The following PDE4B variants were observed in gnomAD, a reference collection of about 807,000 sequenced individuals.
PDE4B encodes the protein phosphodiesterase 4B, also known as 3',5'-cyclic-AMP phosphodiesterase 4B.
In PDE4B, 20 loss-of-function variants were observed where a neutral mutation model predicts 82.2. The observed-to-expected ratio is 0.24, with a 90% CI of 0.17 to 0.35. The LOEUF is 0.35. Among genes scored for constraint, PDE4B ranks in the 10% least tolerant of loss-of-function variants. The pLI is 1.00. For synonymous variants in PDE4B, 320 were observed against 318.9 expected (o/e 1.00, Z -0.04); for missense variants, 655 against 907.2 (o/e 0.72, Z 3.57).
chr1:65,938,322 AT>A (rs1557445165), intron 3 of PDE4B, among the ~76,000 whole-genome samples: 2 of 152,204 alleles, frequency 1.3e-5, no homozygotes, highest in Non-Finnish European at 2.9e-5. Flanking sequence ...CTTAGGTAGA[AT>A]CTGAGCCCTT....
intron 6 of PDE4B, among the ~76,000 whole-genome samples, chr1:66,261,514 A>G (rs1291826514): frequency 6.6e-6 from 1 of 152,132 alleles, no homozygotes; most frequent in African/African-American, 2.4e-5. Flanking sequence ...TTTAAGCAAT[A>G]ATTGTGTCCT....
chr1:65,862,573 T>C lies in PDE4B; in HGVS notation c.-70-50672T>C, dbSNP rs1002076387. 1.1e-4 allele frequency among the ~76,000 whole-genome samples: 17 copies of C among 152,224 alleles called. 1 individual carries two copies. Among genetic ancestry groups the C allele is most frequent in the African/African-American group, 3.9e-4 (16 of 41,458 alleles). On this transcript the variant is annotated intron_variant, in intron 1 of 16. Transcript: ENST00000341517. Reference sequence around the variant, plus strand: ...GTGATGCTGGCCTCATAAAATGAGTTAGGGAGGAGTCCCTCTTTTTTTGTT... The same window carrying C: ...GTGATGCTGGCCTCATAAAATGAGTCAGGGAGGAGTCCCTCTTTTTTTGTT...
At chr1:65,979,193 T>A (rs1298107886) in intron 3 of PDE4B, among the ~76,000 whole-genome samples, 1 of 152,210 alleles carries the variant, frequency 6.6e-6, no homozygotes, top group Non-Finnish European at 1.5e-5. Flanking sequence ...GGATATATAA[T>A]GTCAGTTAGG....
intron 6 of PDE4B, among the ~76,000 whole-genome samples, chr1:66,258,496 A>G (rs1654431210): frequency 6.6e-6 from 1 of 152,216 alleles, no homozygotes; most frequent in Admixed American, 6.5e-5. Context: ...GCTAAGTTCT[A>G]TTCGGTTCAC....
intron 3 of PDE4B, among the ~76,000 whole-genome samples, chr1:66,092,904 G>A (rs1331682436): frequency 1.3e-5 from 2 of 152,006 alleles, no homozygotes; most frequent in African/African-American, 4.8e-5. Flanking sequence ...AGATTTCAGA[G>A]GGTTTCAAAA....
intron 3 of PDE4B, among the ~76,000 whole-genome samples, chr1:66,199,072 C>T (rs1385021407): frequency 7.3e-5 from 11 of 151,676 alleles, no homozygotes; most frequent in Admixed American, 2.0e-4. Context: ...AATAAACATA[C>T]GTGTGCATGT....
At chr1:66,135,526 A>G (rs1646038636) in intron 3 of PDE4B, among the ~76,000 whole-genome samples, 1 of 152,200 alleles carries the variant, frequency 6.6e-6, no homozygotes, top group Non-Finnish European at 1.5e-5. Context: ...TAATGATTGA[A>G]ATATGGAAAT....
intron 3 of PDE4B, among the ~76,000 whole-genome samples, chr1:65,970,599 C>T (rs1191794871): frequency 6.6e-6 from 1 of 151,956 alleles, no homozygotes; most frequent in Non-Finnish European, 1.5e-5. Context: ...ATAGATATGC[C>T]AATATACAAT....
chr1:66,105,333 G>T (rs1645325289), intron 3 of PDE4B, among the ~76,000 whole-genome samples: 1 of 151,640 alleles, frequency 6.6e-6, no homozygotes. Context: ...TGCTATTTTG[G>T]TTACTGTAGC....
intron 1 of PDE4B, among the ~76,000 whole-genome samples, chr1:65,797,471 T>A (rs928169653): frequency 2.6e-5 from 4 of 152,190 alleles, no homozygotes; most frequent in Non-Finnish European, 4.4e-5. Flanking sequence ...CCTGGCCTAC[T>A]TTTGTGGGCA....
At chr1:66,057,055 T>A (rs1208718123) in intron 3 of PDE4B, among the ~76,000 whole-genome samples, 2 of 152,234 alleles carry the variant, frequency 1.3e-5, no homozygotes, top group Non-Finnish European at 2.9e-5. Context: ...GTATGTATAT[T>A]CATCTCTAGC....
At chr1:65,837,934 A>G (rs963543334) in intron 1 of PDE4B, among the ~76,000 whole-genome samples, 1 of 151,960 alleles carries the variant, frequency 6.6e-6, no homozygotes, top group Non-Finnish European at 1.5e-5. Context: ...GTTCCCCTCT[A>G]TGTGTCCCTG....
chr1:65,960,366 T>C (rs577505258), intron 3 of PDE4B, among the ~76,000 whole-genome samples: 2 of 152,290 alleles, frequency 1.3e-5, no homozygotes, highest in Middle Eastern at 6.8e-3. Context: ...GCATTCTATA[T>C]TAACTTTTGA....
chr1:66,324,735 G>A (rs914916958), intron 7 of PDE4B, among the ~76,000 whole-genome samples: 12 of 152,226 alleles, frequency 7.9e-5, no homozygotes, highest in Middle Eastern at 3.4e-3. Context: ...ATAAAGACAT[G>A]CTAACAAAGT....
At chr1:66,069,792 A>G (rs1035293596) in intron 3 of PDE4B, among the ~76,000 whole-genome samples, 1 of 151,764 alleles carries the variant, frequency 6.6e-6, no homozygotes, top group Admixed American at 6.6e-5. Context: ...GGAAATGAAA[A>G]CTCTGTAAAT....
chr1:66,354,728 G>A (rs1362262366), intron 8 of PDE4B: 2 of 1,449,130 alleles, frequency 1.4e-6, no homozygotes, highest in Admixed American at 5.2e-5. Flanking sequence ...TCTTTTCTAA[G>A]TTTTGATTAT....
At chr1:66,187,564 G>C (rs959036577) in intron 3 of PDE4B, among the ~76,000 whole-genome samples, 3 of 152,222 alleles carry the variant, frequency 2.0e-5, no homozygotes, top group Non-Finnish European at 1.5e-5. Flanking sequence ...AGTCTTGGGA[G>C]GGCATATGTG....
rs371148638 is a variant in PDE4B at position 66,137,811 on chromosome 1, C to T, written c.282-109649C>T. Reference sequence around the variant, plus strand: ...CACCTTTCCCCTCTCCTTTTTATAACCAAACTTTAACATTTACTGAATATC... The same window carrying T: ...CACCTTTCCCCTCTCCTTTTTATAATCAAACTTTAACATTTACTGAATATC... On this transcript the variant is annotated intron_variant, in intron 3 of 16. Transcript: ENST00000341517. Among the ~76,000 whole-genome samples, 6 of 152,284 alleles carry T rather than the reference C, an allele frequency of 3.9e-5. 1 individual carries two copies. The East Asian group carries it at 5.8e-4, about 15-fold the overall frequency.
At chr1:66,150,612 C>A (rs1230033844) in intron 3 of PDE4B, among the ~76,000 whole-genome samples, 1 of 152,028 alleles carries the variant, frequency 6.6e-6, no homozygotes, top group Non-Finnish European at 1.5e-5. Context: ...TCGTTTTGTC[C>A]CTCATTATAG....
Sources: gnomAD v4.1 joint callset for allele counts (sites outside exome capture counted in the v4.1 genomes callset) on GRCh38, gnomAD v4.1.1 for gene constraint, MANE v1.5 for transcripts, NCBI Gene and HGNC (gene_info 2026-07-23, HGNC 2026-07-21) for gene names.